The following PPP2R1B variants were observed in gnomAD, a reference collection of about 807,000 sequenced individuals.
The protein encoded by PPP2R1B is protein phosphatase 2 scaffold subunit Abeta.
In PPP2R1B, 58 loss-of-function variants were observed where a neutral mutation model predicts 72.7. The observed-to-expected ratio is 0.80, with a 90% CI of 0.65 to 0.99. The LOEUF (loss-of-function observed/expected upper bound fraction) is 0.99. Ranked by LOEUF, PPP2R1B falls within the 50% of genes least tolerant of loss-of-function variation. PPP2R1B has a pLI of 0.00. For missense variants in PPP2R1B, 695 were observed against 733.6 expected (o/e 0.95, Z 0.61); for synonymous variants, 256 against 264.6 (o/e 0.97, Z 0.32).
chr11:111,745,298 C>G (rs553476437), intron 11 of PPP2R1B, among the ~76,000 whole-genome samples: 2 of 152,198 alleles, frequency 1.3e-5, no homozygotes, highest in African/African-American at 2.4e-5. Context: ...GTCATCCACC[C>G]GCCTCAGCCT....
intron 10 of PPP2R1B, among the ~76,000 whole-genome samples, chr11:111,750,756 C>T (rs1555047607): frequency 1.3e-5 from 2 of 151,946 alleles, no homozygotes; most frequent in Admixed American, 6.6e-5. Flanking sequence ...ACACTGATCA[C>T]GAAACTCAAA....
At chr11:111,751,154 T>C (rs532330148) in intron 10 of PPP2R1B, among the ~76,000 whole-genome samples, 2 of 152,280 alleles carry the variant, frequency 1.3e-5, no homozygotes, top group South Asian at 4.2e-4. Flanking sequence ...ATACTTCTTT[T>C]CTATATGGTG....
At chr11:111,702,579 A>G in the PPP2R1B span, among the ~76,000 whole-genome samples, 1 of 152,214 alleles carries the variant, frequency 6.6e-6, no homozygotes, top group African/African-American at 2.4e-5. Context: ...CAATAATAAT[A>G]TAATAAATAG....
chr11:111,689,210 A>T, the PPP2R1B span, among the ~76,000 whole-genome samples: 3 of 152,180 alleles, frequency 2.0e-5, no homozygotes, highest in South Asian at 2.1e-4. Flanking sequence ...AGACCAGAAT[A>T]TGAAACATCT....
chr11:111,722,844 C>T (rs1443983051), downstream of PPP2R1B: 13 of 1,228,434 alleles, frequency 1.1e-5, no homozygotes, highest in African/African-American at 6.0e-5. This position sits in a 1 kb window ranked among gnomAD's most constrained non-coding sequence, Gnocchi z 4.4. Context: ...CTCTCACATT[C>T]GCCACTACTA....
chr11:111,720,957 G>A, the PPP2R1B span: 1 of 1,614,214 alleles, frequency 6.2e-7, no homozygotes, highest in Non-Finnish European at 8.5e-7. Flanking sequence ...GAATTCTAGA[G>A]TTGAACAAAG....
At chr11:111,721,107 G>T in the PPP2R1B span, 1 of 1,568,584 alleles carries the variant, frequency 6.4e-7, no homozygotes, top group African/African-American at 1.4e-5. Flanking sequence ...TGAGGATGAG[G>T]TGTGAGTTTG....
downstream of PPP2R1B, chr11:111,723,802 A>ACAGCAG (rs771606924): frequency 1.9e-6 from 3 of 1,613,804 alleles, no homozygotes; most frequent in East Asian, 2.2e-5. Flanking sequence ...CCACGCAGCT[A>ACAGCAG]CAGCAGCAGC....
intron 15 of PPP2R1B, chr11:111,727,183 A>G: frequency 1.3e-6 from 1 of 763,280 alleles, no homozygotes; most frequent in Non-Finnish European, 2.2e-6. Context: ...TCACCGTGGG[A>G]AAAGGAGGCT....
Position 111,765,345 on chromosome 11 carries a change from G to C in PPP2R1B, c.154C>G (p.Leu52Val), listed in dbSNP as rs973668114. The change falls in exon 2 of 15, where the codon CTA becomes GTA. Residue 52 changes from leucine (L) to valine (V), a missense_variant. Transcript: ENST00000527614. ...CGGGTCCTTTCTACTCCAAGTGCTA[G>C]GGCAATTGTTGATAACTTCTTAATA... ...NSIKKLSTIA[L>V]ALGVERTRSE... 6.2e-7 allele frequency: 1 copy of C among 1,613,702 alleles called. No homozygotes were observed.
chr11:111,699,227 G>GTGTT, the PPP2R1B span, among the ~76,000 whole-genome samples: 1 of 152,198 alleles, frequency 6.6e-6, no homozygotes, highest in Admixed American at 6.5e-5. Flanking sequence ...GCAGACCACA[G>GTGTT]TGTTGTTCAC....
At chr11:111,748,423 A>C (rs966032201) in intron 10 of PPP2R1B, among the ~76,000 whole-genome samples, 1 of 152,260 alleles carries the variant, frequency 6.6e-6, no homozygotes, top group African/African-American at 2.4e-5. Context: ...ATTATGACAA[A>C]TCCTTAAGGA....
chr11:111,743,678 T>G, intron 11 of PPP2R1B, 148 bp from the exon 12 acceptor site: 2 of 1,014,524 alleles, frequency 2.0e-6, no homozygotes, highest in South Asian at 3.3e-5. Context: ...ATGACAAGCA[T>G]GCTCAGCTCC....
chr11:111,748,102 G>A, intron 10 of PPP2R1B, 88 bp from the exon 11 acceptor site: 2 of 1,240,204 alleles, frequency 1.6e-6, no homozygotes, highest in Admixed American at 2.2e-5. Flanking sequence ...GTTACCTGAA[G>A]GCTAAAAAAA....
At chr11:111,721,928 GCA>G, downstream of PPP2R1B, 1 of 1,605,658 alleles carries the variant, frequency 6.2e-7, no homozygotes, top group Non-Finnish European at 8.5e-7. Flanking sequence ...AGTACCTGCA[GCA>G]CAGACTCCAG....
chr11:111,728,075 G>C (rs914735958), intron 15 of PPP2R1B: 2 of 152,096 alleles, frequency 1.3e-5, no homozygotes, highest in African/African-American at 4.8e-5. Context: ...CTCAGTCCCT[G>C]TGAACAGTGG....
intron 14 of PPP2R1B, 65 bp downstream of exon 14, chr11:111,741,988 C>T: frequency 7.5e-7 from 1 of 1,333,598 alleles, no homozygotes; most frequent in Non-Finnish European, 1.1e-6. Flanking sequence ...ACACCTCTCA[C>T]ATAATAGAGA....
intron 10 of PPP2R1B, among the ~76,000 whole-genome samples, chr11:111,749,849 T>C (rs929599891): frequency 1.1e-4 from 16 of 152,184 alleles, no homozygotes; most frequent in African/African-American, 2.2e-4. Flanking sequence ...CTGCTCTCTA[T>C]AGAGCTAGCA....
At chr11:111,745,047 A>ATTT (rs10579316) in intron 11 of PPP2R1B, among the ~76,000 whole-genome samples, 6 of 84,990 alleles carry the variant, frequency 7.1e-5, no homozygotes, top group Non-Finnish European at 9.6e-5. Flanking sequence ...TTCTCCTCTA[A>ATTT]TTTTTTTTTT....
Sources: gnomAD v4.1 joint callset for allele counts (sites outside exome capture counted in the v4.1 genomes callset) on GRCh38, gnomAD v4.1.1 for gene constraint, Gnocchi (gnomAD v3.1) non-coding constraint, MANE v1.5 for transcripts, NCBI Gene and HGNC (gene_info 2026-07-23, HGNC 2026-07-21) for gene names.